Variants in FHIP2A observed in about 807,000 individuals in gnomAD.
The protein encoded by FHIP2A is FHF complex subunit HOOK interacting protein 2A, also known as family with sequence similarity 160 member B1.
FHIP2A carries 46 observed loss-of-function variants against 93.5 expected under a neutral mutation model. The ratio of observed to expected loss-of-function variants is 0.49; its 90% CI spans 0.39 to 0.63. FHIP2A has a LOEUF of 0.63. FHIP2A is among the 20% of genes least tolerant of loss of function. The pLI is 0.00. For missense variants in FHIP2A, 769 were observed against 909.7 expected (o/e 0.85, Z 1.99); for synonymous variants, 332 against 326.5 (o/e 1.02, Z -0.18).
At chr10:114,836,311 T>C (rs879218433) in intron 5 of FHIP2A, 65 bp downstream of exon 5, 2 of 1,288,872 alleles carry the variant, frequency 1.6e-6, no homozygotes, top group South Asian at 3.3e-5. Flanking sequence ...AAAATTGAAT[T>C]ATGTGAATAA....
downstream of FHIP2A, among the ~76,000 whole-genome samples, chr10:114,868,240 G>A (rs1434558813): frequency 6.6e-6 from 1 of 152,174 alleles, no homozygotes; most frequent in East Asian, 1.9e-4. Flanking sequence ...GAACTGGGCT[G>A]CATAGCAGGA....
At chr10:114,871,344 A>G (rs890649679) in intron 16 of FHIP2A, among the ~76,000 whole-genome samples, 2 of 151,958 alleles carry the variant, frequency 1.3e-5, no homozygotes, top group African/African-American at 4.8e-5. Context: ...AAATCCTCCT[A>G]GAACCAGCCT....
At chr10:114,857,854 A>G (rs912450667) in intron 14 of FHIP2A, among the ~76,000 whole-genome samples, 3 of 152,216 alleles carry the variant, frequency 2.0e-5, no homozygotes, top group Non-Finnish European at 4.4e-5. Context: ...TATTGTTTGT[A>G]ACGGTGGTGA....
At chr10:114,825,659 A>C (rs1028050253) in intron 1 of FHIP2A, among the ~76,000 whole-genome samples, 1 of 152,216 alleles carries the variant, frequency 6.6e-6, no homozygotes, top group African/African-American at 2.4e-5. Flanking sequence ...TCTGTTAGCC[A>C]GTTGCCGCAT....
chr10:114,844,455 C>G (rs1179281538), intron 7 of FHIP2A, among the ~76,000 whole-genome samples: 1 of 152,194 alleles, frequency 6.6e-6, no homozygotes, highest in Non-Finnish European at 1.5e-5. Context: ...ATAGTCCCAC[C>G]ACCTGTAAGC....
chr10:114,867,165 C>T (rs1305876168), downstream of FHIP2A, among the ~76,000 whole-genome samples: 6 of 150,494 alleles, frequency 4.0e-5, no homozygotes, highest in African/African-American at 1.5e-4. Flanking sequence ...GCAGAGATCA[C>T]GCCACTGCAC....
chr10:114,856,426 G>A (rs1592024289), intron 14 of FHIP2A, among the ~76,000 whole-genome samples: 1 of 152,106 alleles, frequency 6.6e-6, no homozygotes, highest in East Asian at 1.9e-4. Flanking sequence ...TCATGGCTGT[G>A]TAAACCTCCT....
rs2083804803 is a variant in FHIP2A at position 114,862,260 on chromosome 10, C to T, written c.*720C>T. 12 of 986,486 alleles carry T rather than the reference C, an allele frequency of 1.2e-5. No homozygotes were observed. The highest frequency in any genetic ancestry group is 3.8e-4 in the Middle Eastern group (1 of 2,642). The allele number at this position is 986,486 out of a possible 1,614,324, so 61.1% of individuals were successfully genotyped here. ...GGGTCCCAGTTTATTTAAACTGTGT[C>T]GTTTTCGCAGCAGTGTTCAATTTGC... On this transcript the variant is annotated 3_prime_UTR_variant, in exon 17 of 17. Transcript: ENST00000369248.
At chr10:114,881,395 G>T (rs2083916406) in intron 16 of FHIP2A, among the ~76,000 whole-genome samples, 2 of 152,108 alleles carry the variant, frequency 1.3e-5, no homozygotes, top group Admixed American at 1.3e-4. Flanking sequence ...ACGCTGATTG[G>T]ATCTTGGCCC....
Position 114,875,857 on chromosome 10 carries a change from GAA to G in FHIP2A, c.2192+14525_2192+14526del, listed in dbSNP as rs1177271767. 3.0e-4 allele frequency among the ~76,000 whole-genome samples: 24 copies of G among 79,428 alleles called. 2 individuals carry two copies. Among genetic ancestry groups the G allele is most frequent in the Non-Finnish European group, 1.1e-4 (4 of 36,314 alleles). The allele number at this position is 79,428 out of a possible 152,430, so 52.1% of individuals were successfully genotyped here. A position where few individuals can be genotyped will look rare whatever the true frequency, so the allele number is the denominator to read the frequency against. ...TAAGAGAGAAAGAAAGAAAGAAAAAGAAAGAAAGAAAGAGAAAGAAAGAAAAG... is the reference window on the plus strand; with the variant it reads ...TAAGAGAGAAAGAAAGAAAGAAAAAGAGAAAGAAAGAGAAAGAAAGAAAAG... On this transcript the variant is annotated intron_variant, in intron 16 of 16. Transcript: ENST00000369250.
Position 114,843,764 on chromosome 10 carries a change from A to T in FHIP2A, c.840A>T (p.Ala280=). Residue 280 remains alanine, a synonymous_variant, in exon 7 of 17, where the codon GCA becomes GCT. Coordinates refer to ENST00000369248, the MANE Select transcript of FHIP2A (RefSeq NM_020940.4). The stretch of plus-strand genomic sequence containing the variant: ...AGGATGGCAGAATAGCTGTGAAGGC[A>T]TGTGAAGGCTTGATGCTGTTAGTAA... The part of the protein sequence containing the change: ...RSPDGRIAVK[A]CEGLMLLVSL... 3 of 1,562,158 alleles carry T rather than the reference A, an allele frequency of 1.9e-6. No homozygotes were observed. Among genetic ancestry groups the T allele is most frequent in the Non-Finnish European group, 1.7e-6 (2 of 1,161,154 alleles).
intron 1 of FHIP2A, among the ~76,000 whole-genome samples, chr10:114,823,547 T>G (rs1301171653): frequency 6.6e-6 from 1 of 152,044 alleles, no homozygotes; most frequent in Non-Finnish European, 1.5e-5. Flanking sequence ...CAGGTTGGAG[T>G]GCAGGGGTGT....
chr10:114,843,703 C>T (rs2083683141), intron 6 of FHIP2A, 38 bp from the exon 7 acceptor site: 1 of 1,430,930 alleles, frequency 7.0e-7, no homozygotes, highest in South Asian at 1.5e-5. Context: ...GATGTATATA[C>T]AATTCAAGAA....
rs561951534 is a variant in FHIP2A at position 114,821,837 on chromosome 10, G to A, written c.-242G>A. On this transcript the variant is annotated 5_prime_UTR_variant, in exon 1 of 17. Coordinates refer to ENST00000369248, the MANE Select transcript of FHIP2A (RefSeq NM_020940.4). ...CGCCGCCGGAGCTTCTCCGGGCCCC[G>A]AGTCCTCGCCGAACGCCCTCCTCGC... 4.6e-5 allele frequency: 11 copies of A among 237,308 alleles called. No individual in the cohort carries two copies. Among genetic ancestry groups the A allele is most frequent in the African/African-American group, 2.3e-4 (10 of 43,700 alleles). 14.7% of individuals were successfully genotyped at this position (237,308 alleles called of 1,614,324 possible). A position where few individuals can be genotyped will look rare whatever the true frequency, so the allele number is the denominator to read the frequency against.
intron 16 of FHIP2A, among the ~76,000 whole-genome samples, chr10:114,878,314 A>G (rs1045622451): frequency 6.6e-6 from 1 of 152,206 alleles, no homozygotes; most frequent in Non-Finnish European, 1.5e-5. Flanking sequence ...CCCACTGGCT[A>G]AGAACTCACT....
chr10:114,852,052 G>A (rs1027417107), intron 13 of FHIP2A, among the ~76,000 whole-genome samples: 1 of 151,412 alleles, frequency 6.6e-6, no homozygotes, highest in Non-Finnish European at 1.5e-5. Flanking sequence ...CTGTAACTTC[G>A]CTGAACTCGT....
At position 114,835,806 on chromosome 10, in the gene FHIP2A, A is replaced by G. The variant is rs555348417; in HGVS notation, c.399+165A>G. 7.9e-5 allele frequency among the ~76,000 whole-genome samples: 12 copies of G among 152,322 alleles called. No homozygotes were observed. In the South Asian group the frequency reaches 1.9e-3, roughly 24 times the overall value. ...TTATGCATCACATAGCATTAAGTGT[A>G]TTTACAGTGTACTTACAGTCTTTCT... On this transcript the variant is annotated intron_variant, in intron 4 of 16. Transcript: ENST00000369248.
chr10:114,845,065 C>T (rs1442017773), intron 7 of FHIP2A, among the ~76,000 whole-genome samples: 1 of 151,932 alleles, frequency 6.6e-6, no homozygotes, highest in Non-Finnish European at 1.5e-5. Flanking sequence ...CGCACGTTGG[C>T]CTCCCAAAGT....
intron 16 of FHIP2A, among the ~76,000 whole-genome samples, chr10:114,899,125 A>G (rs2084014831): frequency 3.9e-5 from 6 of 152,330 alleles, no homozygotes; most frequent in Middle Eastern, 3.4e-3. Context: ...TTCACGGGTA[A>G]GCCTAAGCAA....
Sources: allele counts gnomAD v4.1 joint callset (sites outside exome capture counted in the v4.1 genomes callset), GRCh38; gene constraint gnomAD v4.1.1; transcripts MANE v1.5; gene names NCBI Gene and HGNC (gene_info 2026-07-23, HGNC 2026-07-21).